DPYD: variants seen among roughly 807,000 people sequenced by gnomAD.
DPYD encodes the protein dihydropyrimidine dehydrogenase.
In DPYD, 109 loss-of-function variants were observed where a neutral mutation model predicts 116.2. The observed-to-expected ratio is 0.94, with a 90% confidence interval of 0.80 to 1.10. DPYD has a LOEUF of 1.10. DPYD is among the 50% of genes least tolerant of loss of function. The pLI is 0.00. For synonymous variants in DPYD, 440 were observed against 432.0 expected (o/e 1.02, Z -0.23); for missense variants, 1,302 against 1,254.5 (o/e 1.04, Z -0.57).
In DPYD at chr1:97,090,826, A is replaced by G. The variant is rs569519668; in HGVS notation, c.2766+7663T>C. 4.6e-5 allele frequency among the ~76,000 whole-genome samples: 7 copies of G among 152,320 alleles called. No individual in the cohort carries two copies. In the South Asian group the frequency reaches 1.2e-3, roughly 27 times the overall value. On this transcript the variant is annotated intron_variant, in intron 21 of 22. Transcript: ENST00000370192. ...ATGTTAGCACTACATCTCCATCGAG[A>G]TTACAAACATCCTGAGCCTTGGACC...
At chr1:97,256,933 C>T (rs1375471744) in intron 18 of DPYD, among the ~76,000 whole-genome samples, 3 of 152,058 alleles carry the variant, frequency 2.0e-5, no homozygotes, top group Non-Finnish European at 4.4e-5. Flanking sequence ...AAAATATCTA[C>T]ACCCTTCCTC....
In DPYD at chr1:97,083,289, C is replaced by T. The variant is rs375831675; in HGVS notation, c.2767-819G>A. On this transcript the variant is annotated intron_variant, in intron 21 of 22. Coordinates refer to ENST00000370192, the MANE Select transcript of DPYD (RefSeq NM_000110.4). ...TCAAGATTTTTGCTTTTGTTTTTAA[C>T]TATTAACATGAGAATCTTGTTTGAA... is the stretch of plus-strand genomic sequence containing the variant. Among the ~76,000 whole-genome samples, 5 of 152,180 alleles carry T rather than the reference C, an allele frequency of 3.3e-5. No individual in the cohort carries two copies. In the East Asian group the frequency reaches 5.8e-4, roughly 18 times the overall value.
chr1:97,251,268 C>T (rs1195918457), intron 18 of DPYD, among the ~76,000 whole-genome samples: 4 of 151,196 alleles, frequency 2.6e-5, no homozygotes, highest in Non-Finnish European at 5.9e-5. Flanking sequence ...TGGTGGCAGG[C>T]GCCTCTCCAG....
chr1:97,762,830 T>G (rs1665651003), intron 3 of DPYD, among the ~76,000 whole-genome samples: 1 of 152,092 alleles, frequency 6.6e-6, no homozygotes, highest in Non-Finnish European at 1.5e-5. Context: ...GTAGTAGAAA[T>G]AGCAGTCTCT....
At position 97,578,428 on chromosome 1, in the gene DPYD, C is replaced by T. The variant is rs531275326; in HGVS notation, c.1129-4458G>A. On this transcript the variant is annotated intron_variant, in intron 10 of 22. Coordinates refer to ENST00000370192, the MANE Select transcript of DPYD (RefSeq NM_000110.4). ...ATCATGATTTTACAGATTTAGCATA[C>T]AGCCTTAGGCACACTGCTGCTTGCT... is the stretch of plus-strand genomic sequence containing the variant. 2.0e-4 allele frequency among the ~76,000 whole-genome samples: 31 copies of T among 152,028 alleles called. No individual in the cohort carries two copies. In the South Asian group the frequency reaches 6.2e-3, roughly 31 times the overall value.
chr1:97,265,578 A>G (rs1472127888), intron 18 of DPYD: 3 of 152,210 alleles, frequency 2.0e-5, no homozygotes. Context: ...TTTAAGAATA[A>G]CATTTGTCTT....
chr1:97,369,202 G>T (rs560470000), intron 16 of DPYD, among the ~76,000 whole-genome samples: 116 of 152,256 alleles, frequency 7.6e-4, no homozygotes, highest in African/African-American at 2.7e-3. Flanking sequence ...AATCTATTAA[G>T]TAATATGCTG....
At chr1:97,158,472 G>GACAC (rs58771302) in intron 20 of DPYD, among the ~76,000 whole-genome samples, 13,453 of 111,780 alleles carry the variant, frequency 0.12, 1,265 homozygotes, top group Non-Finnish European at 0.14. Context: ...TAACTCACCA[G>GACAC]ACACACACAC....
At chr1:97,280,958 A>G (rs144006926) in intron 18 of DPYD, among the ~76,000 whole-genome samples, 1 of 152,304 alleles carries the variant, frequency 6.6e-6, no homozygotes, top group Non-Finnish European at 1.5e-5. Context: ...TTTGATCATT[A>G]TACAATGTAT....
At chr1:97,400,724 A>G (rs1222343501) in intron 14 of DPYD, among the ~76,000 whole-genome samples, 1 of 152,044 alleles carries the variant, frequency 6.6e-6, no homozygotes, top group African/African-American at 2.4e-5. Flanking sequence ...TAGATTTTCT[A>G]GTTTATTTGT....
intron 5 of DPYD, chr1:97,720,975 A>AT (rs1557907275): frequency 3.8e-6 from 6 of 1,591,832 alleles, no homozygotes; most frequent in South Asian, 3.5e-5. Context: ...TTCCTTATAC[A>AT]TTTTTTACCC....
chr1:97,645,779 C>T (rs1220910304), intron 8 of DPYD, among the ~76,000 whole-genome samples: 1 of 151,822 alleles, frequency 6.6e-6, no homozygotes, highest in Non-Finnish European at 1.5e-5. Context: ...AATTTTGAGC[C>T]CCAATCTTAC....
intron 5 of DPYD, among the ~76,000 whole-genome samples, chr1:97,709,043 T>C (rs1662139478): frequency 6.6e-6 from 1 of 152,002 alleles, no homozygotes; most frequent in South Asian, 2.1e-4. Context: ...TTCTTTGGAA[T>C]TTTCTACATA....
chr1:97,249,845 G>A lies in DPYD; in HGVS notation c.2300-14851C>T, dbSNP rs575949057. 1.1e-4 allele frequency among the ~76,000 whole-genome samples: 17 copies of A among 152,200 alleles called. No homozygotes were observed. The East Asian group carries it at 1.5e-3, about 14-fold the overall frequency. ...AAAAGTGTTCCACATCAGGGAACTCGAAATTAAAATCACCATGAGACACCA... is the reference window on the plus strand; with the variant it reads ...AAAAGTGTTCCACATCAGGGAACTCAAAATTAAAATCACCATGAGACACCA... On this transcript the variant is annotated intron_variant, in intron 18 of 22. Coordinates refer to ENST00000370192, the MANE Select transcript of DPYD (RefSeq NM_000110.4).
chr1:97,472,092 A>T (rs1677696163), intron 13 of DPYD, among the ~76,000 whole-genome samples: 1 of 152,236 alleles, frequency 6.6e-6, no homozygotes, highest in African/African-American at 2.4e-5. Flanking sequence ...TTATCTGAAG[A>T]ACAGTCATAG....
chr1:97,760,447 AAAT>A (rs1665511510), intron 3 of DPYD, among the ~76,000 whole-genome samples: 1 of 152,148 alleles, frequency 6.6e-6, no homozygotes, highest in African/African-American at 2.4e-5. Flanking sequence ...ACAACAATAA[AAAT>A]AACATGAATT....
At chr1:97,675,894 G>A (rs1660118800) in intron 8 of DPYD, among the ~76,000 whole-genome samples, 1 of 151,784 alleles carries the variant, frequency 6.6e-6, no homozygotes, top group African/African-American at 2.4e-5. Context: ...GATTACAGGT[G>A]CACACCACCA....
intron 19 of DPYD, among the ~76,000 whole-genome samples, chr1:97,233,308 C>T (rs987524762): frequency 2.6e-5 from 4 of 152,226 alleles, no homozygotes; most frequent in Admixed American, 2.6e-4. Context: ...TATTACCACA[C>T]GGTGATGATG....
chr1:97,367,509 T>G (rs1450782685), intron 16 of DPYD, among the ~76,000 whole-genome samples: 1 of 152,194 alleles, frequency 6.6e-6, no homozygotes, highest in East Asian at 1.9e-4. Flanking sequence ...ACTGTTTGAG[T>G]TGAACATTCT....
Sources: gnomAD v4.1 joint callset for allele counts (sites outside exome capture counted in the v4.1 genomes callset) on GRCh38, gnomAD v4.1.1 for gene constraint, MANE v1.5 for transcripts, NCBI Gene and HGNC (gene_info 2026-07-23, HGNC 2026-07-21) for gene names.